Variants in SLC4A8 observed in about 807,000 individuals in gnomAD.
SLC4A8 encodes solute carrier family 4 member 8.
In SLC4A8, 40 loss-of-function variants were observed where a neutral mutation model predicts 125.0. That is an observed-to-expected ratio of 0.32 (90% CI 0.25 to 0.42). The LOEUF is 0.42. Among genes scored for constraint, SLC4A8 ranks in the 10% least tolerant of loss-of-function variants. The probability of loss-of-function intolerance (pLI) is 1.00; values close to 1 mark genes in which losing one functional copy is unlikely to be tolerated. For synonymous variants in SLC4A8, 456 were observed against 476.0 expected (o/e 0.96, Z 0.55); for missense variants, 863 against 1,355.1 (o/e 0.64, Z 5.70).
intron 16 of SLC4A8, chr12:51,480,026 G>A (rs1950976123): frequency 2.7e-6 from 1 of 368,224 alleles, no homozygotes; most frequent in Non-Finnish European, 5.2e-6. Flanking sequence ...CTGGAGTGCG[G>A]TGGTGTGATC....
intron 16 of SLC4A8, among the ~76,000 whole-genome samples, chr12:51,476,066 T>C (rs977950749): frequency 3.3e-5 from 5 of 152,216 alleles, no homozygotes; most frequent in African/African-American, 1.2e-4. Context: ...TTTACCACAG[T>C]ATACCAAGCT....
chr12:51,441,585 C>T (rs967282218), intron 2 of SLC4A8, among the ~76,000 whole-genome samples: 8 of 152,152 alleles, frequency 5.3e-5, no homozygotes, highest in African/African-American at 1.7e-4. Flanking sequence ...TGTCCAGTAT[C>T]CAATATAGCT....
At chr12:51,427,956 C>A (rs1565766710) in intron 1 of SLC4A8, among the ~76,000 whole-genome samples, 1 of 152,186 alleles carries the variant, frequency 6.6e-6, no homozygotes, top group East Asian at 1.9e-4. Flanking sequence ...AAAATCCAAA[C>A]TCTTTATCAT....
intron 1 of SLC4A8, among the ~76,000 whole-genome samples, chr12:51,402,346 C>T (rs972136097): frequency 6.6e-6 from 1 of 152,084 alleles, no homozygotes; most frequent in African/African-American, 2.4e-5. Flanking sequence ...GAGAAGAAGC[C>T]CTGCTGTGCT....
Position 51,502,837 on chromosome 12 carries a change from A to ATT in SLC4A8, c.3082-1174_3082-1173dup, listed in dbSNP as rs557351749. ...AGGCATGCACCACCACGCCCGACTA[A>ATT]TTTTTTTTTTTTTTTTTTTGAGATG... On this transcript the variant is annotated intron_variant, in intron 22 of 24. Transcript: ENST00000453097. 2.4e-3 allele frequency among the ~76,000 whole-genome samples: 287 copies of ATT among 118,370 alleles called. 2 individuals are homozygous for ATT. The highest frequency in any genetic ancestry group is 9.0e-3 in the African/African-American group (267 of 29,582). The allele number at this position is 118,370 out of a possible 152,430, so 77.7% of individuals were successfully genotyped here.
chr12:51,484,979 G>A (rs1432501736), intron 16 of SLC4A8, among the ~76,000 whole-genome samples: 3 of 152,174 alleles, frequency 2.0e-5, no homozygotes, highest in Non-Finnish European at 4.4e-5. Flanking sequence ...ATGTTAGGTA[G>A]AGGCATGAAC....
intron 1 of SLC4A8, among the ~76,000 whole-genome samples, chr12:51,397,892 C>A (rs1948294884): frequency 6.6e-6 from 1 of 151,886 alleles, no homozygotes. Context: ...CATAGTGAGA[C>A]CCCTGTCTCT....
rs1950189167 is a variant in SLC4A8 at position 51,457,492 on chromosome 12, C to A, written c.716C>A (p.Ala239Asp). The A allele has an allele frequency of 6.2e-7, 1 of 1,613,942 alleles. No individual in the cohort carries two copies. The highest frequency in any genetic ancestry group is 1.7e-5 in the Admixed American group (1 of 59,998). The change falls in exon 6 of 25, where the codon GCT (alanine) becomes GAT (aspartate). Residue 239 changes from alanine to aspartate, a missense_variant. By Grantham distance (126) the Ala-to-Asp change is moderately radical (BLOSUM62 -2). This residue lies in a region of SLC4A8 where 390 missense variants were observed against 634.4 expected (regional missense o/e 0.61). Transcript: ENST00000453097. ...NNLIPIVRSF[A>D]EVGKKQSDPH... ...CTCATTCCCATTGTTCGCTCCTTTG[C>A]TGAGGTTGGCAAGAAGCAGTCTGAT...
At chr12:51,467,195 T>C (rs1200324217) in intron 11 of SLC4A8, among the ~76,000 whole-genome samples, 2 of 152,174 alleles carry the variant, frequency 1.3e-5, no homozygotes, top group African/African-American at 4.8e-5. Flanking sequence ...CAAGACAAAG[T>C]GACACTTTAT....
At chr12:51,487,567 A>G (rs556357993) in intron 17 of SLC4A8, among the ~76,000 whole-genome samples, 2 of 152,282 alleles carry the variant, frequency 1.3e-5, no homozygotes, top group Non-Finnish European at 2.9e-5. Context: ...CTGGCCTTTT[A>G]TCCTCTAGCA....
In SLC4A8 at chr12:51,508,669, A is replaced by G. The variant is rs1215135899; in HGVS notation, c.*1231A>G. The stretch of plus-strand genomic sequence containing the variant: ...TGAAATTAGTTTTGGTATTTAATTT[A>G]AAACTACATTTATAGTTTTTCTCTT... On this transcript the variant is annotated 3_prime_UTR_variant, in exon 25 of 25. Coordinates refer to ENST00000453097, the MANE Select transcript of SLC4A8 (RefSeq NM_001039960.3). 1 of 152,620 alleles carries G rather than the reference A, an allele frequency of 6.6e-6. No homozygotes were observed. The highest frequency in any genetic ancestry group is 1.5e-5 in the Non-Finnish European group (1 of 68,048). The allele number at this position is 152,620 out of a possible 1,614,324, so 9.5% of individuals were successfully genotyped here. A position where few individuals can be genotyped will look rare whatever the true frequency, so the allele number is the denominator to read the frequency against.
At chr12:51,503,251 G>C (rs1332611327) in intron 22 of SLC4A8, among the ~76,000 whole-genome samples, 1 of 148,410 alleles carries the variant, frequency 6.7e-6, no homozygotes, top group East Asian at 2.0e-4. Context: ...TTGAGACGGA[G>C]TCTCACCCTG....
chr12:51,456,897 T>C (rs988849086), intron 5 of SLC4A8, among the ~76,000 whole-genome samples: 1 of 152,208 alleles, frequency 6.6e-6, no homozygotes, highest in African/African-American at 2.4e-5. Context: ...TCTACAGTTA[T>C]AGTTCTTCTT....
intron 23 of SLC4A8, among the ~76,000 whole-genome samples, chr12:51,504,383 T>G (rs1938075446): frequency 6.6e-6 from 1 of 152,246 alleles, no homozygotes; most frequent in Non-Finnish European, 1.5e-5. Context: ...GTGCTGGGAT[T>G]GTGCTAGAGG....
intron 20 of SLC4A8, 42 bp downstream of exon 20, chr12:51,493,814 G>C: frequency 8.0e-7 from 1 of 1,246,332 alleles, no homozygotes. Flanking sequence ...CTCACTGCAA[G>C]TTTGCATGTC....
chr12:51,496,866 A>G (rs1352037143), intron 21 of SLC4A8, 121 bp from the exon 22 acceptor site: 1 of 900,150 alleles, frequency 1.1e-6, no homozygotes, highest in African/African-American at 1.7e-5. Context: ...GACTGTTAGG[A>G]TTATTATGAG....
At position 51,511,723 on chromosome 12, in the gene SLC4A8, G is replaced by A. The variant is rs919914021; in HGVS notation, c.*4285G>A. The A allele has an allele frequency of 1.3e-5, 2 of 152,182 alleles. No individual in the cohort carries two copies. The highest frequency in any genetic ancestry group is 4.8e-5 in the African/African-American group (2 of 41,434). The allele number at this position is 152,182 out of a possible 1,614,324, so 9.4% of individuals were successfully genotyped here. On this transcript the variant is annotated 3_prime_UTR_variant, in exon 25 of 25. Transcript: ENST00000453097. ...TTAAGGAAGTTATTTATCGTCACAA[G>A]TGTTGTCATCTGTGACTCATGGGCC...
intron 19 of SLC4A8, among the ~76,000 whole-genome samples, chr12:51,490,973 G>T (rs1193487528): frequency 1.3e-5 from 2 of 152,194 alleles, no homozygotes; most frequent in South Asian, 2.1e-4. Context: ...AGATAAAAAC[G>T]CATGGCTTCT....
chr12:51,409,230 A>G (rs1948551529), intron 1 of SLC4A8, among the ~76,000 whole-genome samples: 1 of 152,110 alleles, frequency 6.6e-6, no homozygotes. Context: ...CCAGATACAC[A>G]GTTATTCAAT....
Sources: gnomAD v4.1 joint callset for allele counts (sites outside exome capture counted in the v4.1 genomes callset) on GRCh38, gnomAD v4.1.1 for gene constraint, gnomAD v4.1.1 regional missense constraint, MANE v1.5 for transcripts, NCBI Gene and HGNC (gene_info 2026-07-23, HGNC 2026-07-21) for gene names.